Variants in CSMD1 observed in about 807,000 individuals in gnomAD.
CSMD1 encodes CUB and Sushi multiple domains 1.
A neutral mutation model predicts 417.5 loss-of-function variants in CSMD1; 213 were observed. The observed-to-expected ratio is 0.51, with a 90% CI of 0.46 to 0.57. The LOEUF (loss-of-function observed/expected upper bound fraction) is 0.57. Ranked by LOEUF, CSMD1 falls within the 20% of genes least tolerant of loss-of-function variation. The pLI is 0.00. For synonymous variants in CSMD1, 2,862 were observed against 1,736.8 expected (o/e 1.65, Z -16.11); for missense variants, 6,923 against 4,529.7 (o/e 1.53, Z -15.17).
In CSMD1 at chr8:3,031,355, C is replaced by A. The variant is rs918475705; in HGVS notation, c.7661-1842G>T. Among the ~76,000 whole-genome samples the A allele has an allele frequency of 2.0e-5, 3 of 151,654 alleles. No individual in the cohort carries two copies. The East Asian group carries it at 5.8e-4, about 30-fold the overall frequency. On this transcript the variant is annotated intron_variant, in intron 50 of 69. Transcript: ENST00000635120. ...TGGAGGGCTAGCACTAGGAGATATA[C>A]CTAATGCTAAATGATGAGTTAATGG...
intron 5 of CSMD1, among the ~76,000 whole-genome samples, chr8:3,764,296 C>T (rs1289929162): frequency 6.6e-6 from 1 of 152,222 alleles, no homozygotes; most frequent in Non-Finnish European, 1.5e-5. Flanking sequence ...TGGTGTCTCT[C>T]CTTGTGCTGT....
Position 3,408,125 on chromosome 8 carries a change from G to C in CSMD1, c.1845C>G (p.Ile615Met). The C allele has an allele frequency of 2.5e-6, 4 of 1,613,760 alleles. No homozygotes were observed. The highest frequency in any genetic ancestry group is 3.4e-6 in the Non-Finnish European group (4 of 1,179,786). ...GGTGAATTCGACTTCCTGGCTCCGA[G>C]ATAATCAACCAGACACAGTTCATGT... ...GNNMNCVWLI[I>M]SEPGSRIHLI... The change falls in exon 14 of 70, where the codon ATC (isoleucine) becomes ATG (methionine). Residue 615 changes from isoleucine (I) to methionine (M), a missense_variant. Coordinates refer to ENST00000635120, the MANE Select transcript of CSMD1 (RefSeq NM_033225.6).
intron 2 of CSMD1, among the ~76,000 whole-genome samples, chr8:4,430,046 G>C (rs1237706568): frequency 6.6e-6 from 1 of 152,154 alleles, no homozygotes; most frequent in African/African-American, 2.4e-5. Context: ...TGAGTTTTCA[G>C]AATCAACCAG....
At chr8:3,236,994 C>T (rs1799191590) in intron 26 of CSMD1, among the ~76,000 whole-genome samples, 1 of 151,994 alleles carries the variant, frequency 6.6e-6, no homozygotes, top group Non-Finnish European at 1.5e-5. Flanking sequence ...CAGGCTGCAT[C>T]CAGAGCCATG....
chr8:3,356,073 C>T (rs1226441005), intron 21 of CSMD1, among the ~76,000 whole-genome samples: 1 of 152,192 alleles, frequency 6.6e-6, no homozygotes, highest in African/African-American at 2.4e-5. Flanking sequence ...AGCTCAGATG[C>T]TCACTAGAAA....
chr8:4,670,413 G>T (rs907693732), intron 1 of CSMD1, among the ~76,000 whole-genome samples: 1 of 152,166 alleles, frequency 6.6e-6, no homozygotes, highest in Non-Finnish European at 1.5e-5. Flanking sequence ...GAAAGAAAAT[G>T]TGTGTTTTGG....
chr8:4,626,216 G>C (rs1349473687), intron 2 of CSMD1, among the ~76,000 whole-genome samples: 1 of 152,130 alleles, frequency 6.6e-6, no homozygotes, highest in Non-Finnish European at 1.5e-5. Context: ...TTGGCTGAGA[G>C]GACACAGCCT....
intron 8 of CSMD1, among the ~76,000 whole-genome samples, chr8:3,614,272 A>T (rs1337895642): frequency 6.6e-6 from 1 of 152,156 alleles, no homozygotes; most frequent in Non-Finnish European, 1.5e-5. Context: ...CTTCTGAGAT[A>T]AGATTCTACA....
At chr8:4,047,370 A>C (rs1247893188) in intron 3 of CSMD1, among the ~76,000 whole-genome samples, 2 of 152,198 alleles carry the variant, frequency 1.3e-5, no homozygotes, top group Non-Finnish European at 2.9e-5. Context: ...CTGCTCATGG[A>C]ATAGGAACAA....
intron 3 of CSMD1, among the ~76,000 whole-genome samples, chr8:4,153,529 G>C (rs966918334): frequency 7.9e-5 from 12 of 152,220 alleles, no homozygotes; most frequent in Admixed American, 7.2e-4. Flanking sequence ...CAAAGCACCA[G>C]CTGGTCCCTC....
At chr8:3,234,226 G>T (rs181763207) in intron 26 of CSMD1, among the ~76,000 whole-genome samples, 25 of 152,156 alleles carry the variant, frequency 1.6e-4, no homozygotes, top group African/African-American at 5.8e-4. Flanking sequence ...CATATCAACC[G>T]GGATTCCTTA....
At position 3,029,438 on chromosome 8, in the gene CSMD1, T is replaced by C. The variant is rs746812722; in HGVS notation, c.7736A>G (p.Glu2579Gly). ...GCTCAGCAATACTTGAGCACCGTACTCATTCAAGGATCCTGAAACCAGCCT... is the reference window on the plus strand; with the variant it reads ...GCTCAGCAATACTTGAGCACCGTACCCATTCAAGGATCCTGAAACCAGCCT... The part of the protein sequence containing the change: ...IWRLVSGSLN[E>G]YGAQVLLSCS... The change falls in exon 51 of 70, where the codon GAG becomes GGG. Residue 2579 changes from glutamate to glycine, a missense_variant. By Grantham distance (98) the Glu-to-Gly change is moderately conservative. Coordinates refer to ENST00000635120, the MANE Select transcript of CSMD1 (RefSeq NM_033225.6). 1 of 1,610,380 alleles carries C rather than the reference T, an allele frequency of 6.2e-7. No homozygotes were observed. Among genetic ancestry groups the C allele is most frequent in the South Asian group, 1.1e-5 (1 of 90,178 alleles).
chr8:4,846,577 T>C (rs925482122), intron 1 of CSMD1, among the ~76,000 whole-genome samples: 12 of 152,192 alleles, frequency 7.9e-5, no homozygotes, highest in African/African-American at 2.9e-4. Context: ...ATGGTACTTT[T>C]CTACCCCCTG....
intron 1 of CSMD1, among the ~76,000 whole-genome samples, chr8:4,677,429 G>T (rs895617027): frequency 6.6e-6 from 1 of 151,406 alleles, no homozygotes; most frequent in Non-Finnish European, 1.5e-5. Context: ...TCTCTCTCTC[G>T]TTCTCTCTCC....
At chr8:2,998,426 C>G (rs1807105241) in intron 53 of CSMD1, among the ~76,000 whole-genome samples, 1 of 152,284 alleles carries the variant, frequency 6.6e-6, no homozygotes, top group Non-Finnish European at 1.5e-5. Context: ...AACACGCTTT[C>G]TTTACCATCA....
chr8:3,419,014 A>T (rs1813324997), intron 12 of CSMD1, among the ~76,000 whole-genome samples: 1 of 152,208 alleles, frequency 6.6e-6, no homozygotes, highest in African/African-American at 2.4e-5. Context: ...TGTTCCTTTC[A>T]CTTACATTAT....
chr8:4,037,856 T>G (rs1457302857), intron 3 of CSMD1, among the ~76,000 whole-genome samples: 1 of 152,082 alleles, frequency 6.6e-6, no homozygotes, highest in Non-Finnish European at 1.5e-5. Flanking sequence ...AAGTAGATCA[T>G]ATATTCTCGT....
chr8:3,742,396 T>A (rs183880340), intron 6 of CSMD1, among the ~76,000 whole-genome samples: 3 of 152,324 alleles, frequency 2.0e-5, no homozygotes, highest in African/African-American at 7.2e-5. Flanking sequence ...TAAGTAAAAT[T>A]GTAAACTCCT....
At chr8:4,638,266 A>G (rs1052613425) in intron 1 of CSMD1, among the ~76,000 whole-genome samples, 1 of 152,172 alleles carries the variant, frequency 6.6e-6, no homozygotes, top group Non-Finnish European at 1.5e-5. Context: ...AAGAATAAAC[A>G]TTATAAAACT....
Sources: allele counts gnomAD v4.1 joint callset (sites outside exome capture counted in the v4.1 genomes callset), GRCh38; gene constraint gnomAD v4.1.1; transcripts MANE v1.5; gene names NCBI Gene and HGNC (gene_info 2026-07-23, HGNC 2026-07-21).